Variants in PTPRN2 observed in about 807,000 individuals in gnomAD.
PTPRN2 encodes the protein protein tyrosine phosphatase receptor type N2, also known as receptor-type tyrosine-protein phosphatase N2.
Under a neutral mutation model 118.8 loss-of-function variants are expected in PTPRN2, and 74 were observed. The observed-to-expected ratio is 0.62, with a 90% CI of 0.52 to 0.76. The LOEUF (loss-of-function observed/expected upper bound fraction) is 0.76, where lower values mean the gene tolerates loss of function less well. Ranked by LOEUF, PTPRN2 falls within the 30% of genes least tolerant of loss-of-function variation. PTPRN2 has a pLI of 0.00. For missense variants in PTPRN2, 1,481 were observed against 1,394.4 expected (o/e 1.06, Z -0.99); for synonymous variants, 641 against 608.0 (o/e 1.05, Z -0.80).
chr7:157,673,982 C>A (rs971918692), intron 13 of PTPRN2, among the ~76,000 whole-genome samples: 1 of 152,162 alleles, frequency 6.6e-6, no homozygotes, highest in African/African-American at 2.4e-5. Flanking sequence ...CCCTTAGAAG[C>A]GATAAGCTTT....
intron 2 of PTPRN2, among the ~76,000 whole-genome samples, chr7:158,318,680 C>G (rs1349806738): frequency 6.6e-6 from 1 of 152,220 alleles, no homozygotes; most frequent in East Asian, 1.9e-4. Context: ...CGCTCTCGGC[C>G]GGCCCCAGAG....
At chr7:158,151,174 T>A (rs1248361233) in intron 6 of PTPRN2, among the ~76,000 whole-genome samples, 1 of 28,280 alleles carries the variant, frequency 3.5e-5, no homozygotes, top group Non-Finnish European at 5.9e-5. Flanking sequence ...CCGCCCGCCT[T>A]TCTGCTCCTG....
intron 13 of PTPRN2, among the ~76,000 whole-genome samples, chr7:157,666,642 G>A (rs192365249): frequency 1.4e-4 from 21 of 152,344 alleles, no homozygotes; most frequent in African/African-American, 3.8e-4. Context: ...ATCACCCGGG[G>A]CTGTGTGCCA....
intron 1 of PTPRN2, among the ~76,000 whole-genome samples, chr7:158,571,861 A>G (rs557095288): frequency 1.9e-4 from 29 of 152,374 alleles, no homozygotes; most frequent in African/African-American, 6.7e-4. Context: ...TTTATTCACC[A>G]AAGTCTTATC....
At chr7:157,851,733 GAGC>G (rs1232269510) in intron 12 of PTPRN2, among the ~76,000 whole-genome samples, 2 of 152,246 alleles carry the variant, frequency 1.3e-5, no homozygotes, top group Admixed American at 1.3e-4. Flanking sequence ...TGGAGGCAAA[GAGC>G]CTCTCCTGTA....
chr7:158,317,674 G>A (rs532917350), intron 2 of PTPRN2, among the ~76,000 whole-genome samples: 8 of 152,334 alleles, frequency 5.3e-5, no homozygotes, highest in African/African-American at 1.9e-4. Context: ...GGTTAATTCA[G>A]GCGCTACTGC....
chr7:157,620,374 C>G (rs1162821957), intron 15 of PTPRN2, among the ~76,000 whole-genome samples: 1 of 152,196 alleles, frequency 6.6e-6, no homozygotes, highest in Non-Finnish European at 1.5e-5. Context: ...ACGAGAGTCA[C>G]TCGGAGAACT....
intron 2 of PTPRN2, among the ~76,000 whole-genome samples, chr7:158,332,177 T>C (rs1418884358): frequency 6.1e-5 from 9 of 148,712 alleles, no homozygotes; most frequent in Admixed American, 6.6e-5. Context: ...ACATCCACAC[T>C]CTCACCATAA....
At chr7:157,621,560 C>T (rs758381911) in intron 14 of PTPRN2, 51 bp from the exon 15 acceptor site, 36 of 1,597,946 alleles carry the variant, frequency 2.3e-5, no homozygotes, top group Middle Eastern at 3.3e-4. Context: ...GAGCCCAGAC[C>T]GGCAGATGCA....
intron 11 of PTPRN2, among the ~76,000 whole-genome samples, chr7:157,980,054 T>C (rs1803020562): frequency 6.6e-6 from 1 of 152,254 alleles, no homozygotes; most frequent in Non-Finnish European, 1.5e-5. Flanking sequence ...GAGGACTCCT[T>C]AGTCTTTGAA....
chr7:158,077,194 C>T (rs1585360093), intron 11 of PTPRN2, among the ~76,000 whole-genome samples: 1 of 152,152 alleles, frequency 6.6e-6, no homozygotes, highest in African/African-American at 2.4e-5. Flanking sequence ...TCAAGAGAGG[C>T]TCACAAGAGA....
At chr7:158,302,524 C>T (rs1166780674) in intron 3 of PTPRN2, among the ~76,000 whole-genome samples, 1 of 152,258 alleles carries the variant, frequency 6.6e-6, no homozygotes, top group Non-Finnish European at 1.5e-5. Flanking sequence ...CCCCAGATCA[C>T]CCCCAGTCAC....
intron 12 of PTPRN2, among the ~76,000 whole-genome samples, chr7:157,766,030 TCCAA>T (rs1450710108): frequency 2.7e-5 from 4 of 146,554 alleles, no homozygotes; most frequent in East Asian, 2.1e-4. Context: ...CACCCATCCA[TCCAA>T]CCAACCATTC....
At chr7:158,026,074 G>A (rs1807242243) in intron 11 of PTPRN2, among the ~76,000 whole-genome samples, 1 of 152,250 alleles carries the variant, frequency 6.6e-6, no homozygotes, top group Non-Finnish European at 1.5e-5. Context: ...GCCCATGCCG[G>A]GCCCCGTCGA....
At chr7:158,153,624 G>A (rs949765792) in intron 6 of PTPRN2, among the ~76,000 whole-genome samples, 5 of 152,230 alleles carry the variant, frequency 3.3e-5, no homozygotes, top group Admixed American at 1.3e-4. Flanking sequence ...AACAGGACAC[G>A]GAGGGAGAGG....
intron 3 of PTPRN2, among the ~76,000 whole-genome samples, chr7:158,281,609 G>A (rs1799430659): frequency 6.6e-6 from 1 of 152,330 alleles, no homozygotes; most frequent in South Asian, 2.1e-4. Flanking sequence ...CTGCGCATTT[G>A]TGCTGGCTTT....
chr7:157,782,728 T>G (rs1422503293), intron 12 of PTPRN2, among the ~76,000 whole-genome samples: 1 of 152,212 alleles, frequency 6.6e-6, no homozygotes, highest in East Asian at 1.9e-4. Flanking sequence ...CGCATCAACA[T>G]TCAGGATTTC....
chr7:158,134,251 C>T (rs1451590168), intron 8 of PTPRN2, among the ~76,000 whole-genome samples, 192 bp from the exon 9 acceptor site: 3 of 152,226 alleles, frequency 2.0e-5, no homozygotes, highest in Middle Eastern at 3.4e-3. Context: ...GGTGTGAGGG[C>T]GCTGAGTATC....
In PTPRN2 at chr7:157,778,849, C is replaced by T. The variant is rs142731138; in HGVS notation, c.1789-95912G>A. The stretch of plus-strand genomic sequence containing the variant: ...CCACATAAACATGTCCACGTGAATA[C>T]AGGCGCTGAATGCCCACATATGCAA... On this transcript the variant is annotated intron_variant, in intron 12 of 22. Coordinates refer to ENST00000389418, the MANE Select transcript of PTPRN2 (RefSeq NM_002847.5). 2.3e-3 allele frequency among the ~76,000 whole-genome samples: 357 copies of T among 152,320 alleles called. 1 individual carries two copies. Among genetic ancestry groups the T allele is most frequent in the African/African-American group, 8.1e-3 (335 of 41,558 alleles).
Sources: allele counts gnomAD v4.1 joint callset (sites outside exome capture counted in the v4.1 genomes callset), GRCh38; gene constraint gnomAD v4.1.1; transcripts MANE v1.5; gene names NCBI Gene and HGNC (gene_info 2026-07-23, HGNC 2026-07-21).